The following GPC5 variants were observed in gnomAD, a reference collection of about 807,000 sequenced individuals.
GPC5 encodes glypican 5, also known as glypican-5.
GPC5 carries 47 observed loss-of-function variants against 53.9 expected under a neutral mutation model. That is an observed-to-expected ratio of 0.87 (90% CI 0.69 to 1.11). GPC5 has a LOEUF of 1.11. Ranked by LOEUF, GPC5 falls within the 50% of genes most tolerant of loss-of-function variation. GPC5 has a pLI of 0.00. For missense variants in GPC5, 748 were observed against 713.1 expected, an observed-to-expected ratio of 1.05 and a Z score of -0.56; for synonymous variants, 286 against 263.3, an observed-to-expected ratio of 1.09 and a Z score of -0.84.
At chr13:92,314,763 T>C (rs1382679239) in intron 7 of GPC5, among the ~76,000 whole-genome samples, 1 of 152,184 alleles carries the variant, frequency 6.6e-6, no homozygotes, top group Non-Finnish European at 1.5e-5. Context: ...AAGAGTGCTC[T>C]ATTTTTATTT....
At chr13:92,732,984 C>T (rs1888847348) in intron 7 of GPC5, among the ~76,000 whole-genome samples, 2 of 151,558 alleles carry the variant, frequency 1.3e-5, no homozygotes, top group South Asian at 4.1e-4. Flanking sequence ...TTTACTTAAC[C>T]TTCCTGTGGT....
chr13:92,747,137 G>T (rs181026286), intron 7 of GPC5, among the ~76,000 whole-genome samples: 5 of 152,236 alleles, frequency 3.3e-5, no homozygotes, highest in African/African-American at 1.2e-4. Context: ...TCATTATGTG[G>T]TGCATGACCA....
At chr13:92,148,502 C>G (rs545778616) in intron 7 of GPC5, among the ~76,000 whole-genome samples, 26 of 152,164 alleles carry the variant, frequency 1.7e-4, no homozygotes, top group African/African-American at 5.8e-4. Flanking sequence ...TAATGTTTCT[C>G]AAAGAAAGAA....
chr13:91,409,065 A>G (rs1286600010), intron 1 of GPC5, among the ~76,000 whole-genome samples: 1 of 152,182 alleles, frequency 6.6e-6, no homozygotes, highest in Non-Finnish European at 1.5e-5. Context: ...AAGATTGTCA[A>G]TATCAAATTA....
At chr13:92,108,013 T>A (rs1184792304) in intron 6 of GPC5, among the ~76,000 whole-genome samples, 2 of 152,142 alleles carry the variant, frequency 1.3e-5, no homozygotes. Context: ...TCCCTCCAAT[T>A]TCAAAGTAAG....
chr13:92,442,563 A>G (rs1462044068), intron 7 of GPC5, among the ~76,000 whole-genome samples: 2 of 152,252 alleles, frequency 1.3e-5, no homozygotes, highest in Non-Finnish European at 2.9e-5. Flanking sequence ...ACTCATCAAT[A>G]GTACCAGGAT....
At chr13:92,334,318 C>T (rs998204885) in intron 7 of GPC5, among the ~76,000 whole-genome samples, 13 of 152,022 alleles carry the variant, frequency 8.6e-5, no homozygotes, top group South Asian at 2.1e-4. Flanking sequence ...ACCATCAAGT[C>T]GCATGAGACT....
chr13:92,362,153 T>C lies in GPC5; in HGVS notation c.1561+217164T>C, dbSNP rs969675652. On this transcript the variant is annotated intron_variant, in intron 7 of 7. Transcript: ENST00000377067. Reference sequence around the variant, plus strand: ...CATCCTCTCATTTACCCAGTGAAAGTTTTCCATGTTTTATAACTTCAAGTT... The same window carrying C: ...CATCCTCTCATTTACCCAGTGAAAGCTTTCCATGTTTTATAACTTCAAGTT... Among the ~76,000 whole-genome samples the C allele has an allele frequency of 2.0e-5, 3 of 150,946 alleles. 1 individual carries two copies. The highest frequency in any genetic ancestry group is 7.4e-5 in the African/African-American group (3 of 40,360).
chr13:91,490,637 A>G (rs2139251795), intron 2 of GPC5, among the ~76,000 whole-genome samples: 2 of 152,248 alleles, frequency 1.3e-5, no homozygotes, highest in Middle Eastern at 6.8e-3. Context: ...CCTGGCTTCA[A>G]TTTCTTAACA....
chr13:92,236,522 T>C (rs1430910426), intron 7 of GPC5, among the ~76,000 whole-genome samples: 1 of 152,038 alleles, frequency 6.6e-6, no homozygotes, highest in African/African-American at 2.4e-5. Flanking sequence ...GTAACTGAAC[T>C]TCCCTCACTT....
intron 2 of GPC5, among the ~76,000 whole-genome samples, chr13:91,523,504 T>C (rs1487189784): frequency 1.3e-5 from 2 of 152,200 alleles, no homozygotes; most frequent in Non-Finnish European, 2.9e-5. Context: ...ATCTCACTTA[T>C]ATTTGGAATC....
chr13:92,046,012 G>C (rs1418308608), intron 6 of GPC5, among the ~76,000 whole-genome samples: 1 of 152,104 alleles, frequency 6.6e-6, no homozygotes, highest in African/African-American at 2.4e-5. Context: ...TCAGGAGGCT[G>C]AGGCAGGAGA....
At chr13:91,440,442 C>A (rs1372249201) in intron 1 of GPC5, among the ~76,000 whole-genome samples, 1 of 152,132 alleles carries the variant, frequency 6.6e-6, no homozygotes, top group Non-Finnish European at 1.5e-5. Flanking sequence ...TTTTCAGTTA[C>A]AGAATTTCCA....
At chr13:92,532,497 A>G (rs1881596580) in intron 7 of GPC5, among the ~76,000 whole-genome samples, 1 of 152,200 alleles carries the variant, frequency 6.6e-6, no homozygotes, top group African/African-American at 2.4e-5. Context: ...ATCCAAATGT[A>G]GGTTACTAAA....
chr13:92,520,149 C>A (rs903968145), intron 7 of GPC5, among the ~76,000 whole-genome samples: 1 of 152,010 alleles, frequency 6.6e-6, no homozygotes, highest in Non-Finnish European at 1.5e-5. Flanking sequence ...AGCCTACCAA[C>A]CAAAAAAAGT....
At chr13:92,402,745 C>T (rs79497561) in intron 7 of GPC5, among the ~76,000 whole-genome samples, 1,996 of 152,258 alleles carry the variant, frequency 0.013, 43 homozygotes, top group African/African-American at 0.046. Flanking sequence ...TTCTAAAAGT[C>T]AGTTAGAAGC....
intron 7 of GPC5, among the ~76,000 whole-genome samples, chr13:92,714,248 T>TTCAA (rs1888251210): frequency 1.3e-5 from 2 of 152,202 alleles, no homozygotes; most frequent in African/African-American, 4.8e-5. Context: ...AAATTTGCTA[T>TTCAA]TCAATCACTT....
intron 7 of GPC5, among the ~76,000 whole-genome samples, chr13:92,389,897 C>T (rs1445411524): frequency 2.0e-5 from 3 of 152,136 alleles, no homozygotes; most frequent in Non-Finnish European, 4.4e-5. Context: ...GTATGAACTA[C>T]AAGTTGGTTG....
intron 7 of GPC5, among the ~76,000 whole-genome samples, chr13:92,325,377 G>T (rs1392498109): frequency 1.3e-5 from 2 of 151,986 alleles, no homozygotes. Context: ...CAGTCAAACC[G>T]AACTTGCTAA....
Sources: allele counts gnomAD v4.1 joint callset (sites outside exome capture counted in the v4.1 genomes callset), GRCh38; gene constraint gnomAD v4.1.1; transcripts MANE v1.5; gene names NCBI Gene and HGNC (gene_info 2026-07-23, HGNC 2026-07-21).